Variants in SORCS3 observed in about 807,000 individuals in gnomAD.
SORCS3 encodes the protein sortilin related VPS10 domain containing receptor 3.
Under a neutral mutation model 146.3 loss-of-function variants are expected in SORCS3, and 57 were observed. That is an observed-to-expected ratio of 0.39 (90% CI 0.31 to 0.49). The LOEUF (loss-of-function observed/expected upper bound fraction) is 0.49. Among genes scored for constraint, SORCS3 ranks in the 20% least tolerant of loss-of-function variants. The pLI is 0.92. For missense variants in SORCS3, 1,341 were observed against 1,575.5 expected, an observed-to-expected ratio of 0.85 and a Z score of 2.52; for synonymous variants, 653 against 618.5, an observed-to-expected ratio of 1.06 and a Z score of -0.83.
intron 5 of SORCS3, among the ~76,000 whole-genome samples, chr10:105,065,364 C>T (rs988294679): frequency 2.0e-5 from 3 of 151,598 alleles, no homozygotes; most frequent in Non-Finnish European, 2.9e-5. Context: ...TGTGGAAACT[C>T]GTGTAGCAAT....
chr10:104,951,176 T>A (rs1313413865), intron 3 of SORCS3, among the ~76,000 whole-genome samples: 1 of 152,192 alleles, frequency 6.6e-6, no homozygotes, highest in Non-Finnish European at 1.5e-5. Flanking sequence ...TTCTAGCACA[T>A]AACAGGCCCT....
At chr10:105,043,745 C>G (rs540564654) in intron 5 of SORCS3, among the ~76,000 whole-genome samples, 1 of 145,838 alleles carries the variant, frequency 6.9e-6, no homozygotes, top group Non-Finnish European at 1.6e-5. Context: ...TTTCTCATGT[C>G]ACATGTGATA....
intron 1 of SORCS3, among the ~76,000 whole-genome samples, chr10:104,701,570 C>T (rs910848602): frequency 2.0e-5 from 3 of 152,162 alleles, no homozygotes; most frequent in Admixed American, 1.3e-4. Flanking sequence ...GACCATTTTA[C>T]AAGGCATGCT....
intron 3 of SORCS3, among the ~76,000 whole-genome samples, chr10:104,922,471 C>T (rs2133604615): frequency 6.6e-6 from 1 of 152,116 alleles, no homozygotes; most frequent in East Asian, 1.9e-4. Context: ...CATGCAGGGG[C>T]CAGAAGATAA....
intron 9 of SORCS3, among the ~76,000 whole-genome samples, chr10:105,154,085 A>G (rs998163359): frequency 6.6e-6 from 1 of 151,250 alleles, no homozygotes; most frequent in South Asian, 2.1e-4. Context: ...AAAAAAAAAA[A>G]AAAGAAACTT....
chr10:105,101,681 A>G (rs779968270), intron 6 of SORCS3, among the ~76,000 whole-genome samples: 19 of 152,256 alleles, frequency 1.2e-4, no homozygotes, highest in Non-Finnish European at 2.6e-4. Flanking sequence ...CCTCGAATAC[A>G]CTTGCTTCCT....
At chr10:105,255,271 A>G (rs1002673507) in intron 23 of SORCS3, among the ~76,000 whole-genome samples, 4 of 151,948 alleles carry the variant, frequency 2.6e-5, no homozygotes, top group Non-Finnish European at 2.9e-5. Context: ...GAATTGAACA[A>G]TGAGAACACA....
At chr10:104,922,856 C>G (rs1461024051) in intron 3 of SORCS3, among the ~76,000 whole-genome samples, 1 of 152,196 alleles carries the variant, frequency 6.6e-6, no homozygotes, top group Admixed American at 6.5e-5. Flanking sequence ...TTCGTAGACT[C>G]TCTTGCTGGG....
intron 1 of SORCS3, among the ~76,000 whole-genome samples, chr10:104,834,754 T>A (rs1465151573): frequency 1.3e-5 from 2 of 152,068 alleles, no homozygotes; most frequent in African/African-American, 2.4e-5. Flanking sequence ...GAGGCTGGTT[T>A]GTTTTCTTTA....
At chr10:105,035,536 C>T (rs1394486016) in intron 4 of SORCS3, among the ~76,000 whole-genome samples, 3 of 150,876 alleles carry the variant, frequency 2.0e-5, no homozygotes, top group African/African-American at 4.9e-5. Flanking sequence ...GGTGCAGTCT[C>T]GGCTCACTGC....
intron 2 of SORCS3, among the ~76,000 whole-genome samples, chr10:104,843,986 G>A (rs963638458): frequency 1.3e-5 from 2 of 152,178 alleles, no homozygotes; most frequent in African/African-American, 4.8e-5. Context: ...AGAGGGGACT[G>A]GGGTGTGAAA....
chr10:105,143,002 A>G (rs1392864393), intron 8 of SORCS3, among the ~76,000 whole-genome samples: 1 of 152,146 alleles, frequency 6.6e-6, no homozygotes, highest in East Asian at 1.9e-4. Context: ...CACACTTCTC[A>G]AAAGAGTTAT....
At chr10:105,072,094 T>C (rs1459455121) in intron 5 of SORCS3, among the ~76,000 whole-genome samples, 1 of 152,188 alleles carries the variant, frequency 6.6e-6, no homozygotes, top group Non-Finnish European at 1.5e-5. Flanking sequence ...AAGTGCTGGC[T>C]GGCTGGAGGT....
intron 26 of SORCS3, 112 bp downstream of exon 26, chr10:105,262,603 T>C: frequency 1.9e-6 from 2 of 1,061,630 alleles, no homozygotes; most frequent in South Asian, 4.1e-5. Flanking sequence ...AACAACTACC[T>C]ACAGTGACAG....
intron 3 of SORCS3, among the ~76,000 whole-genome samples, chr10:104,941,110 C>T (rs1479434402): frequency 6.6e-6 from 1 of 152,160 alleles, no homozygotes; most frequent in Admixed American, 6.5e-5. Context: ...AAATATTGAG[C>T]AGTGAGTACA....
At chr10:104,753,512 A>G (rs770842271) in intron 1 of SORCS3, among the ~76,000 whole-genome samples, 25 of 152,312 alleles carry the variant, frequency 1.6e-4, no homozygotes, top group Middle Eastern at 6.8e-3. Context: ...GAAGAACAGG[A>G]AGAGTGTTAA....
chr10:105,175,525 GTTGACTTGT>G, intron 13 of SORCS3, among the ~76,000 whole-genome samples: 1 of 152,166 alleles, frequency 6.6e-6, no homozygotes, highest in Non-Finnish European at 1.5e-5. Flanking sequence ...ATTGGCCAGA[GTTGACTTGT>G]TAGTAGCCAC....
At chr10:104,751,318 T>C (rs1385454228) in intron 1 of SORCS3, among the ~76,000 whole-genome samples, 2 of 152,180 alleles carry the variant, frequency 1.3e-5, no homozygotes, top group Non-Finnish European at 2.9e-5. Context: ...TGGAATGTAA[T>C]GTAGGATTGG....
chr10:104,857,978 T>C (rs2018353871), intron 2 of SORCS3, among the ~76,000 whole-genome samples: 1 of 152,132 alleles, frequency 6.6e-6, no homozygotes, highest in Non-Finnish European at 1.5e-5. Flanking sequence ...TGATTTACTT[T>C]GAAACTTTGA....
Sources: allele counts gnomAD v4.1 joint callset (sites outside exome capture counted in the v4.1 genomes callset), GRCh38; gene constraint gnomAD v4.1.1; transcripts MANE v1.5; gene names NCBI Gene and HGNC (gene_info 2026-07-23, HGNC 2026-07-21).